Variants in TMEM260 observed in about 807,000 individuals in gnomAD.
The protein encoded by TMEM260 is protein O-mannosyl-transferase TMEM260.
In TMEM260, 82 loss-of-function variants were observed where a neutral mutation model predicts 88.9. That is an observed-to-expected ratio of 0.92 (90% CI 0.77 to 1.11). TMEM260 has a LOEUF of 1.11. TMEM260 is among the 50% of genes least tolerant of loss of function. The pLI is 0.00. For missense variants in TMEM260, 902 were observed against 853.4 expected (o/e 1.06, Z -0.71); for synonymous variants, 314 against 309.3 (o/e 1.02, Z -0.16).
At position 56,647,635 on chromosome 14, in the gene TMEM260, A is replaced by G. The variant is rs1890049696; in HGVS notation, c.*138A>G. The G allele has an allele frequency of 1.0e-6, 1 of 989,108 alleles. No individual in the cohort carries two copies. 61.3% of individuals were successfully genotyped at this position (989,108 alleles called of 1,614,324 possible). A position where few individuals can be genotyped will look rare whatever the true frequency, so the allele number is the denominator to read the frequency against. ...CCAGATATAAGTATCATGGTCCAGCAGTACTGTTTAATGGGGTATTCAGTG... is the reference window on the plus strand; with the variant it reads ...CCAGATATAAGTATCATGGTCCAGCGGTACTGTTTAATGGGGTATTCAGTG... On this transcript the variant is annotated 3_prime_UTR_variant, in exon 16 of 16. Transcript: ENST00000261556.
intron 5 of TMEM260, 133 bp from the exon 6 acceptor site, chr14:56,608,973 T>C: frequency 1.1e-6 from 1 of 937,228 alleles, no homozygotes; most frequent in South Asian, 1.7e-5. Flanking sequence ...TAGTATTCTG[T>C]GGTGACTTAA....
chr14:56,603,704 G>A, intron 3 of TMEM260, 111 bp from the exon 4 acceptor site: 1 of 1,089,172 alleles, frequency 9.2e-7, no homozygotes, highest in Non-Finnish European at 1.4e-6. Flanking sequence ...ATAATGTGTT[G>A]GAGTAGTGCT....
chr14:56,602,744 A>AGC (rs1203260079), intron 3 of TMEM260, among the ~76,000 whole-genome samples: 1 of 30,554 alleles, frequency 3.3e-5, no homozygotes, highest in African/African-American at 1.9e-4. Flanking sequence ...AGAGAAAGAA[A>AGC]ACAAATAAAT....
intron 3 of TMEM260, among the ~76,000 whole-genome samples, chr14:56,602,905 G>A (rs1886664561): frequency 6.6e-6 from 1 of 152,128 alleles, no homozygotes; most frequent in Non-Finnish European, 1.5e-5. Context: ...TGGAGCTATA[G>A]AATATGATAA....
At chr14:56,610,101 T>C (rs181608853) in intron 6 of TMEM260, among the ~76,000 whole-genome samples, 1 of 152,194 alleles carries the variant, frequency 6.6e-6, no homozygotes, top group East Asian at 1.9e-4. Flanking sequence ...TTATAAAAAA[T>C]AGGGAAATAA....
At position 56,617,175 on chromosome 14, in the gene TMEM260, T is replaced by C. The variant is rs748880845; in HGVS notation, c.942-8T>C. The C allele has an allele frequency of 6.6e-7, 1 of 1,514,722 alleles. No homozygotes were observed. Among genetic ancestry groups the C allele is most frequent in the Non-Finnish European group, 8.9e-7 (1 of 1,117,632 alleles). 93.8% of individuals were successfully genotyped at this position (1,514,722 alleles called of 1,614,324 possible). A position where few individuals can be genotyped will look rare whatever the true frequency, so the allele number is the denominator to read the frequency against. On this transcript the variant is annotated splice_region_variant and splice_polypyrimidine_tract_variant and intron_variant, in intron 8 of 15. Coordinates refer to ENST00000261556, the MANE Select transcript of TMEM260 (RefSeq NM_017799.4). ...ATATTTTAGACATATTTTTATTATTTTTTGTAGGGACAGACAGAATCCATC... is the reference window on the plus strand; with the variant it reads ...ATATTTTAGACATATTTTTATTATTCTTTGTAGGGACAGACAGAATCCATC...
At chr14:56,603,586 T>G (rs185351401) in intron 3 of TMEM260, among the ~76,000 whole-genome samples, 162 of 152,320 alleles carry the variant, frequency 1.1e-3, no homozygotes, top group African/African-American at 3.8e-3. Context: ...GGACTGAACC[T>G]CATTCTAGCC....
intron 5 of TMEM260, among the ~76,000 whole-genome samples, chr14:56,608,177 T>C (rs1007357529): frequency 2.0e-5 from 3 of 152,216 alleles, no homozygotes; most frequent in African/African-American, 4.8e-5. Flanking sequence ...TTGAAAATGC[T>C]AACATAAATC....
At position 56,586,415 on chromosome 14, in the gene TMEM260, G is replaced by A. The variant is rs151312564; in HGVS notation, c.344+503G>A. Among the ~76,000 whole-genome samples the A allele has an allele frequency of 2.6e-3, 398 of 152,110 alleles. 3 individuals are homozygous for A. Among genetic ancestry groups the A allele is most frequent in the African/African-American group, 9.2e-3 (383 of 41,510 alleles). ...TTTTAGTAAGGTTTCACTCTGCTCC[G>A]TTATGGCTGTAGTAAAGGTAGGCAA... is the stretch of plus-strand genomic sequence containing the variant. On this transcript the variant is annotated intron_variant, in intron 3 of 15. Transcript: ENST00000261556.
rs190484759 is a variant in TMEM260, at chr14:56,647,206, A to G, written c.1870-37A>G. 2.1e-5 allele frequency: 33 copies of G among 1,545,228 alleles called. No individual in the cohort carries two copies. In the African/African-American group the frequency reaches 3.5e-4, roughly 16 times the overall value. On this transcript the variant is annotated intron_variant, in intron 15 of 15. Transcript: ENST00000261556. ...TTTTTGAAAAAAAAAAAGTCAAAGAATAACAATGGAATACCAACATTTCTG... is the reference window on the plus strand; with the variant it reads ...TTTTTGAAAAAAAAAAAGTCAAAGAGTAACAATGGAATACCAACATTTCTG...
Position 56,647,599 on chromosome 14 carries a change from T to TAAGTC in TMEM260, c.*104_*108dup, listed in dbSNP as rs960131499. 1.6e-6 allele frequency: 2 copies of TAAGTC among 1,286,262 alleles called. No homozygotes were observed. The highest frequency in any genetic ancestry group is 3.0e-5 in the African/African-American group (2 of 66,874). 79.7% of individuals were successfully genotyped at this position (1,286,262 alleles called of 1,614,324 possible). ...AGAAACTGCATAAAAAATTTAAAAC[T>TAAGTC]AAGTCATCTCCCAGATATAAGTATC... On this transcript the variant is annotated 3_prime_UTR_variant, in exon 16 of 16. Coordinates refer to ENST00000261556, the MANE Select transcript of TMEM260 (RefSeq NM_017799.4).
chr14:56,618,754 C>T lies in TMEM260; in HGVS notation c.1217C>T (p.Ser406Phe), dbSNP rs760558334. The T allele has an allele frequency of 1.2e-6, 2 of 1,613,872 alleles. No individual in the cohort carries two copies. The highest frequency in any genetic ancestry group is 1.7e-4 in the Middle Eastern group (1 of 6,048). The stretch of plus-strand genomic sequence containing the variant: ...CTTTTTGTAGTTTACCAAATATATT[C>T]TAATTACAGGTAATACATGGTTATT... ...ATLFVVYQIY[S>F]NYSVCDQRTN... Residue 406 changes from serine to phenylalanine, a missense_variant, in exon 10 of 16, where the codon TCT becomes TTT. By Grantham distance (155) the Ser-to-Phe change is radical (BLOSUM62 -2). Coordinates refer to ENST00000261556, the MANE Select transcript of TMEM260 (RefSeq NM_017799.4).
intron 10 of TMEM260, among the ~76,000 whole-genome samples, chr14:56,619,963 AG>A (rs1287332351): frequency 6.6e-6 from 1 of 152,244 alleles, no homozygotes; most frequent in Non-Finnish European, 1.5e-5. Context: ...AGCCATAAAA[AG>A]AATGAGATCA....
intron 12 of TMEM260, among the ~76,000 whole-genome samples, chr14:56,631,879 TAC>T (rs1385588640): frequency 6.6e-6 from 1 of 152,144 alleles, no homozygotes; most frequent in Non-Finnish European, 1.5e-5. Context: ...TGTGACCAGT[TAC>T]TATTTTAGAG....
intron 15 of TMEM260, among the ~76,000 whole-genome samples, chr14:56,640,741 C>T (rs1407197668): frequency 6.6e-6 from 1 of 152,024 alleles, no homozygotes; most frequent in African/African-American, 2.4e-5. Context: ...AGTTAAAAAC[C>T]TTGAAAAAAA....
chr14:56,584,876 A>G, intron 1 of TMEM260, 125 bp from the exon 2 acceptor site: 1 of 712,430 alleles, frequency 1.4e-6, no homozygotes, highest in Admixed American at 2.8e-5. Context: ...TTAAATCTCT[A>G]CAGATTTACA....
intron 3 of TMEM260, among the ~76,000 whole-genome samples, chr14:56,596,381 A>AGAGAGTGTGT (rs1555334739): frequency 2.4e-5 from 3 of 126,576 alleles, no homozygotes; most frequent in Non-Finnish European, 4.9e-5. Context: ...TATATGTGAG[A>AGAGAGTGTGT]GTGTGTGTGT....
intron 15 of TMEM260, among the ~76,000 whole-genome samples, chr14:56,637,556 A>G (rs1434488746): frequency 1.3e-5 from 2 of 152,248 alleles, no homozygotes; most frequent in African/African-American, 4.8e-5. Flanking sequence ...AGACACTTGC[A>G]GAGTCTGCTC....
At chr14:56,632,330 C>T (rs150606271) in intron 12 of TMEM260, among the ~76,000 whole-genome samples, 3 of 152,098 alleles carry the variant, frequency 2.0e-5, no homozygotes, top group Non-Finnish European at 2.9e-5. Flanking sequence ...GAGATTTGCC[C>T]CACACTCTTG....
Sources: gnomAD v4.1 joint callset for allele counts (sites outside exome capture counted in the v4.1 genomes callset) on GRCh38, gnomAD v4.1.1 for gene constraint, MANE v1.5 for transcripts, NCBI Gene and HGNC (gene_info 2026-07-23, HGNC 2026-07-21) for gene names.